Variants in LRRC4C observed in about 807,000 individuals in gnomAD.
LRRC4C encodes the protein leucine-rich repeat-containing protein 4C.
In LRRC4C, 5 loss-of-function variants were observed where a neutral mutation model predicts 33.6. That is an observed-to-expected ratio of 0.15 (90% CI 0.08 to 0.31). LRRC4C has a LOEUF of 0.31. Among genes scored for constraint, LRRC4C ranks in the 10% least tolerant of loss-of-function variants. The pLI is 1.00. For synonymous variants in LRRC4C, 329 were observed against 302.0 expected, an observed-to-expected ratio of 1.09 and a Z score of -0.93; for missense variants, 560 against 796.7, an observed-to-expected ratio of 0.70 and a Z score of 3.58.
chr11:40,177,120 ATTT>A lies in LRRC4C; in HGVS notation c.-95-36270_-95-36268del, dbSNP rs1298495169. Among the ~76,000 whole-genome samples the A allele has an allele frequency of 2.6e-5, 4 of 151,650 alleles. No individual in the cohort carries two copies. The East Asian group carries it at 5.9e-4, about 22-fold the overall frequency. On this transcript the variant is annotated intron_variant, in intron 5 of 6. Coordinates refer to ENST00000528697, the MANE Select transcript of LRRC4C (RefSeq NM_001258419.2). ...AGGCGCCCGCCACCATGTCCAGCTA[ATTT>A]TTTGTTTCTTTAGAGGAGACGGGGT... is the stretch of plus-strand genomic sequence containing the variant.
intron 2 of LRRC4C, among the ~76,000 whole-genome samples, chr11:40,732,187 C>G (rs530340569): frequency 6.6e-6 from 1 of 152,090 alleles, no homozygotes; most frequent in South Asian, 2.1e-4. Flanking sequence ...AATTATTGAA[C>G]AGTTTGTGCA....
intron 3 of LRRC4C, among the ~76,000 whole-genome samples, chr11:40,423,414 G>A (rs1385783489): frequency 7.3e-6 from 1 of 137,196 alleles, no homozygotes; most frequent in South Asian, 2.3e-4. Context: ...GCGCCATCTC[G>A]GCTCACTGCA....
At chr11:41,328,430 T>A (rs910082944) in intron 1 of LRRC4C, among the ~76,000 whole-genome samples, 1 of 152,148 alleles carries the variant, frequency 6.6e-6, no homozygotes, top group Admixed American at 6.5e-5. Context: ...TATGTGTGTG[T>A]GTGCGTGTCT....
intron 1 of LRRC4C, among the ~76,000 whole-genome samples, chr11:40,980,184 T>C (rs1480761212): frequency 6.6e-6 from 1 of 152,130 alleles, no homozygotes; most frequent in Non-Finnish European, 1.5e-5. Context: ...CTTCCTAATA[T>C]TGGTCACAAA....
chr11:40,263,830 T>C (rs1347602669), intron 4 of LRRC4C, among the ~76,000 whole-genome samples: 1 of 152,158 alleles, frequency 6.6e-6, no homozygotes, highest in Admixed American at 6.5e-5. Context: ...TCCTATAGTC[T>C]GATATGTGGG....
chr11:40,925,077 T>C (rs1031363505), intron 2 of LRRC4C, among the ~76,000 whole-genome samples: 3 of 152,106 alleles, frequency 2.0e-5, no homozygotes, highest in African/African-American at 7.2e-5. Flanking sequence ...TGGAACTTAG[T>C]TATTTGAGGA....
intron 1 of LRRC4C, among the ~76,000 whole-genome samples, chr11:41,393,183 T>TA (rs1953671784): frequency 6.6e-6 from 1 of 151,910 alleles, no homozygotes; most frequent in Non-Finnish European, 1.5e-5. Flanking sequence ...AATTTTCTAT[T>TA]AGCCAAATTT....
At chr11:40,389,918 C>T (rs1022761534) in intron 3 of LRRC4C, among the ~76,000 whole-genome samples, 5 of 152,132 alleles carry the variant, frequency 3.3e-5, no homozygotes, top group South Asian at 2.1e-4. Context: ...CTTCTTAGTA[C>T]CAAGAATTCC....
At chr11:41,059,538 T>C (rs960851664) in intron 1 of LRRC4C, among the ~76,000 whole-genome samples, 1 of 152,186 alleles carries the variant, frequency 6.6e-6, no homozygotes, top group African/African-American at 2.4e-5. Context: ...TGTCTTTTTA[T>C]AGGAGTTTCT....
chr11:40,333,193 G>A (rs1946438674), intron 3 of LRRC4C, among the ~76,000 whole-genome samples: 1 of 151,922 alleles, frequency 6.6e-6, no homozygotes, highest in African/African-American at 2.4e-5. Context: ...AATATGTAAG[G>A]GAATCCTTAC....
intron 3 of LRRC4C, among the ~76,000 whole-genome samples, chr11:40,536,607 G>C (rs542899055): frequency 1.2e-4 from 18 of 152,072 alleles, no homozygotes; most frequent in Non-Finnish European, 2.2e-4. Flanking sequence ...TCAACTGGCC[G>C]CATGGCTTCC....
chr11:40,610,563 TA>T (rs149888442), intron 3 of LRRC4C, among the ~76,000 whole-genome samples: 30,655 of 150,310 alleles, frequency 0.2, 3,845 homozygotes, highest in Middle Eastern at 0.32. Flanking sequence ...AGCGTTCAAA[TA>T]AAAAAAAAGA....
At chr11:40,866,716 A>G (rs971888439) in intron 2 of LRRC4C, among the ~76,000 whole-genome samples, 3 of 152,080 alleles carry the variant, frequency 2.0e-5, no homozygotes, top group African/African-American at 7.2e-5. Flanking sequence ...GACTTGCAGC[A>G]TTGTTTTAAG....
chr11:40,313,016 C>T (rs1024807610), intron 4 of LRRC4C, among the ~76,000 whole-genome samples: 1 of 152,070 alleles, frequency 6.6e-6, no homozygotes, highest in African/African-American at 2.4e-5. Flanking sequence ...GTCTATCACG[C>T]CAGAAGTGGT....
chr11:40,551,862 T>C (rs765594878), intron 3 of LRRC4C, among the ~76,000 whole-genome samples: 2 of 152,186 alleles, frequency 1.3e-5, no homozygotes, highest in Non-Finnish European at 2.9e-5. Context: ...AGATATTTGG[T>C]GAAATACACT....
intron 3 of LRRC4C, among the ~76,000 whole-genome samples, chr11:40,402,635 A>G (rs1949803218): frequency 6.6e-6 from 1 of 152,126 alleles, no homozygotes; most frequent in South Asian, 2.1e-4. Context: ...GTTCATTTCT[A>G]TATATTCTCC....
chr11:40,813,989 C>T (rs549391433), intron 2 of LRRC4C, among the ~76,000 whole-genome samples: 210 of 152,314 alleles, frequency 1.4e-3, no homozygotes, highest in African/African-American at 4.9e-3. Context: ...AGCCCTTCTC[C>T]TGGCTGCTTT....
intron 1 of LRRC4C, among the ~76,000 whole-genome samples, chr11:41,112,006 G>A (rs1013384075): frequency 6.6e-6 from 1 of 151,986 alleles, no homozygotes; most frequent in Non-Finnish European, 1.5e-5. Flanking sequence ...GAGAGAGGAT[G>A]TAAAAAGTAT....
intron 2 of LRRC4C, among the ~76,000 whole-genome samples, chr11:40,871,523 T>C (rs1591952434): frequency 6.6e-6 from 1 of 152,126 alleles, no homozygotes; most frequent in Admixed American, 6.6e-5. Context: ...GTTCACCCGA[T>C]ACAGGGCCCA....
Sources: gnomAD v4.1 joint callset for allele counts (sites outside exome capture counted in the v4.1 genomes callset) on GRCh38, gnomAD v4.1.1 for gene constraint, MANE v1.5 for transcripts, NCBI Gene and HGNC (gene_info 2026-07-23, HGNC 2026-07-21) for gene names.